The following SUGCT variants were observed in gnomAD, a reference collection of about 807,000 sequenced individuals.
SUGCT encodes the protein succinyl-CoA:glutarate CoA-transferase.
A neutral mutation model predicts 55.0 loss-of-function variants in SUGCT; 41 were observed. The ratio of observed to expected loss-of-function variants is 0.74; its 90% CI spans 0.58 to 0.97. The LOEUF (loss-of-function observed/expected upper bound fraction) is 0.97, where lower values mean the gene tolerates loss of function less well. Among genes scored for constraint, SUGCT ranks in the 50% least tolerant of loss-of-function variants. The pLI is 0.00. For missense variants in SUGCT, 568 were observed against 547.8 expected (o/e 1.04, Z -0.37); for synonymous variants, 187 against 200.4 (o/e 0.93, Z 0.56).
intron 12 of SUGCT, among the ~76,000 whole-genome samples, chr7:40,622,511 T>A: frequency 6.7e-6 from 1 of 149,090 alleles, no homozygotes; most frequent in South Asian, 2.2e-4. Context: ...TTAACTGCCC[T>A]CATGTTTGTT....
chr7:41,017,319 A>G, the SUGCT span, among the ~76,000 whole-genome samples: 1 of 142,180 alleles, frequency 7.0e-6, no homozygotes, highest in East Asian at 2.1e-4. Context: ...AGCCATAAAG[A>G]TGCGATACAT....
intron 7 of SUGCT, among the ~76,000 whole-genome samples, chr7:40,247,130 A>G (rs1049525367): frequency 4.6e-5 from 7 of 152,068 alleles, no homozygotes; most frequent in Non-Finnish European, 7.4e-5. Context: ...CAAGTGAAAA[A>G]CTAACGGGTC....
At chr7:40,375,775 C>A (rs369523721) in intron 9 of SUGCT, among the ~76,000 whole-genome samples, 1 of 152,166 alleles carries the variant, frequency 6.6e-6, no homozygotes, top group African/African-American at 2.4e-5. Flanking sequence ...TTTACAGTAA[C>A]GTACCCTCAT....
At chr7:40,634,080 C>T (rs977030199) in intron 12 of SUGCT, among the ~76,000 whole-genome samples, 3 of 151,942 alleles carry the variant, frequency 2.0e-5, no homozygotes, top group African/African-American at 7.3e-5. Flanking sequence ...AGTGAGTACA[C>T]GTGGAACACA....
At chr7:40,321,475 C>T (rs1249484403) in intron 9 of SUGCT, among the ~76,000 whole-genome samples, 2 of 151,900 alleles carry the variant, frequency 1.3e-5, no homozygotes, top group Admixed American at 6.6e-5. Flanking sequence ...CTCTGCCTAC[C>T]GAGTTCAAGT....
intron 12 of SUGCT, among the ~76,000 whole-genome samples, chr7:40,621,273 A>G (rs570408180): frequency 1.3e-5 from 2 of 152,148 alleles, no homozygotes; most frequent in South Asian, 4.1e-4. Context: ...CAGCAGCAAG[A>G]ACACTGCTCC....
chr7:40,272,139 G>GACAT (rs1792088359), intron 7 of SUGCT, among the ~76,000 whole-genome samples: 1 of 66,036 alleles, frequency 1.5e-5, no homozygotes, highest in African/African-American at 6.7e-5. Context: ...ACTGCAATGT[G>GACAT]ACATATATAT....
chr7:41,005,634 A>T, the SUGCT span, among the ~76,000 whole-genome samples: 1 of 152,204 alleles, frequency 6.6e-6, no homozygotes, highest in African/African-American at 2.4e-5. Flanking sequence ...AAGAATTTCC[A>T]TGTGGGTACA....
At chr7:40,988,934 A>G in the SUGCT span, among the ~76,000 whole-genome samples, 1 of 152,160 alleles carries the variant, frequency 6.6e-6, no homozygotes. Context: ...GTATATAGGC[A>G]GGTTTGATTC....
Position 40,528,730 on chromosome 7 carries a change from G to A in SUGCT, c.1089+32344G>A, listed in dbSNP as rs115702849. ...TACATTTTAGAAATACTAAAATAATGTGTCTAGATTCCTGGTAATGCCAAG... is the reference window on the plus strand; with the variant it reads ...TACATTTTAGAAATACTAAAATAATATGTCTAGATTCCTGGTAATGCCAAG... On this transcript the variant is annotated intron_variant, in intron 12 of 13. Transcript: ENST00000335693. Among the ~76,000 whole-genome samples the A allele has an allele frequency of 3.2e-3, 494 of 152,278 alleles. 3 individuals are homozygous for A. Among genetic ancestry groups the A allele is most frequent in the African/African-American group, 0.011 (475 of 41,560 alleles).
At chr7:40,879,914 A>T in the SUGCT span, among the ~76,000 whole-genome samples, 1 of 152,180 alleles carries the variant, frequency 6.6e-6, no homozygotes, top group Non-Finnish European at 1.5e-5. Flanking sequence ...TGGACATGGC[A>T]TAGTCTCTGC....
At chr7:40,394,349 C>G (rs191780141) in intron 9 of SUGCT, among the ~76,000 whole-genome samples, 1 of 152,010 alleles carries the variant, frequency 6.6e-6, no homozygotes, top group Non-Finnish European at 1.5e-5. Context: ...TTTTAGGCTT[C>G]GTGGTCTATA....
chr7:40,213,121 CTT>C (rs1306594030), intron 6 of SUGCT, among the ~76,000 whole-genome samples: 3 of 151,832 alleles, frequency 2.0e-5, no homozygotes, highest in African/African-American at 7.3e-5. Flanking sequence ...TTTATGTTGT[CTT>C]ATCAATTATC....
intron 12 of SUGCT, among the ~76,000 whole-genome samples, chr7:40,733,241 TTA>T (rs144083060): frequency 0.019 from 2,905 of 152,252 alleles, 90 homozygotes; most frequent in African/African-American, 0.067. Context: ...TAAGCCAGAA[TTA>T]TATATACATG....
chr7:40,177,893 G>T (rs1454645828), intron 1 of SUGCT, among the ~76,000 whole-genome samples: 2 of 152,142 alleles, frequency 1.3e-5, no homozygotes, highest in African/African-American at 2.4e-5. Flanking sequence ...GGGACAACTG[G>T]TGCTCCTCGC....
At chr7:40,223,912 G>C (rs1181026960) in intron 6 of SUGCT, among the ~76,000 whole-genome samples, 1 of 152,128 alleles carries the variant, frequency 6.6e-6, no homozygotes, top group Admixed American at 6.5e-5. Context: ...GTTTAGTCTT[G>C]GTTTGTAAAG....
chr7:40,263,304 GT>G (rs2150967612), intron 7 of SUGCT, among the ~76,000 whole-genome samples: 2 of 152,292 alleles, frequency 1.3e-5, no homozygotes, highest in African/African-American at 4.8e-5. Context: ...CTGACAACAT[GT>G]GTTAAAGCAT....
chr7:40,904,244 C>G, the SUGCT span, among the ~76,000 whole-genome samples: 2 of 152,224 alleles, frequency 1.3e-5, no homozygotes, highest in Admixed American at 1.3e-4. Flanking sequence ...TGGCAGGGCC[C>G]AGGACGCCAG....
rs184085725 is a variant in SUGCT, at chr7:40,485,756, G to A, written c.987-10528G>A. Among the ~76,000 whole-genome samples the A allele has an allele frequency of 7.2e-5, 11 of 152,138 alleles. No individual in the cohort carries two copies. The East Asian group carries it at 1.7e-3, about 24-fold the overall frequency. ...TTTGTGGAGGGTTTTTATCATGAAG[G>A]GATGTTGAGTTTTGTCAAATTTAGT... On this transcript the variant is annotated intron_variant, in intron 11 of 13. Transcript: ENST00000335693.
Sources: allele counts gnomAD v4.1 joint callset (sites outside exome capture counted in the v4.1 genomes callset), GRCh38; gene constraint gnomAD v4.1.1; transcripts MANE v1.5; gene names NCBI Gene and HGNC (gene_info 2026-07-23, HGNC 2026-07-21).